Variants in LRRK1 observed in about 807,000 individuals in gnomAD.
LRRK1 encodes the protein leucine rich repeat kinase 1.
A neutral mutation model predicts 209.1 loss-of-function variants in LRRK1; 113 were observed. That is an observed-to-expected ratio of 0.54 (90% CI 0.46 to 0.63). The LOEUF is 0.63. Ranked by LOEUF, LRRK1 falls within the 30% of genes least tolerant of loss-of-function variation. The pLI, the probability that LRRK1 is intolerant of heterozygous loss-of-function variation, is 0.00. For synonymous variants in LRRK1, 1,144 were observed against 1,099.7 expected (o/e 1.04, Z -0.80); for missense variants, 2,284 against 2,632.2 (o/e 0.87, Z 2.89).
At position 101,054,212 on chromosome 15, in the gene LRRK1, G is replaced by A. The variant is rs191118620; in HGVS notation, c.4055-734G>A. The stretch of plus-strand genomic sequence containing the variant: ...TCGTTCTCGAACTGTGAGCTCAGTC[G>A]ATCCCCCCACTTTAGCCTCCCAAAG... On this transcript the variant is annotated intron_variant, in intron 26 of 33. Transcript: ENST00000388948. Among the ~76,000 whole-genome samples the A allele has an allele frequency of 9.5e-4, 144 of 152,204 alleles. 1 individual carries two copies. The highest frequency in any genetic ancestry group is 1.5e-3 in the Non-Finnish European group (99 of 68,020).
intron 20 of LRRK1, chr15:101,043,783 A>G (rs1188543636): frequency 6.6e-6 from 1 of 152,314 alleles, no homozygotes; most frequent in Non-Finnish European, 1.5e-5. Flanking sequence ...TACCATAAGT[A>G]TGATAGTTGT....
chr15:101,021,863 G>A lies in LRRK1; in HGVS notation c.1758G>A (p.Glu586=), dbSNP rs199792081. ...LYLGNNPGLR[E]LPPELGQLGN... The stretch of plus-strand genomic sequence containing the variant: ...TCTTCAGCAACCCTGGCCTCCGGGA[G>A]CTCCCTCCTGAGCTGGGGCAGCTGG... Residue 586 remains glutamate, a synonymous_variant, in exon 14 of 34, where the codon GAG becomes GAA. Transcript: ENST00000388948. The A allele has an allele frequency of 1.2e-6, 2 of 1,613,684 alleles. No homozygotes were observed. The highest frequency in any genetic ancestry group is 2.7e-5 in the African/African-American group (2 of 74,856).
chr15:100,972,815 G>T (rs2031006201), intron 2 of LRRK1, among the ~76,000 whole-genome samples: 1 of 151,954 alleles, frequency 6.6e-6, no homozygotes, highest in Admixed American at 6.6e-5. Flanking sequence ...CTCATCCATC[G>T]CAGTCTTTCC....
intron 20 of LRRK1, among the ~76,000 whole-genome samples, chr15:101,037,108 A>G (rs1048019876): frequency 6.6e-6 from 1 of 152,302 alleles, no homozygotes; most frequent in East Asian, 1.9e-4. Context: ...GGATGTTGGT[A>G]GTGGCATCAG....
intron 26 of LRRK1, among the ~76,000 whole-genome samples, 167 bp downstream of exon 26, chr15:101,053,587 G>T (rs879621221): frequency 6.6e-6 from 1 of 152,228 alleles, no homozygotes; most frequent in Non-Finnish European, 1.5e-5. Context: ...TCCCCGCCAG[G>T]TCCAGTCACT....
chr15:101,019,903 G>T (rs779491403), intron 12 of LRRK1, among the ~76,000 whole-genome samples: 1 of 152,084 alleles, frequency 6.6e-6, no homozygotes, highest in Non-Finnish European at 1.5e-5. Flanking sequence ...CAACTCAAAT[G>T]CTCTGGTGCC....
intron 19 of LRRK1, among the ~76,000 whole-genome samples, chr15:101,028,163 AC>A (rs2034127755): frequency 6.6e-6 from 1 of 152,186 alleles, no homozygotes; most frequent in Non-Finnish European, 1.5e-5. Context: ...AATAGCAAAT[AC>A]GGAACCAGTG....
chr15:100,946,979 C>CT (rs993982111), intron 2 of LRRK1, among the ~76,000 whole-genome samples: 33 of 151,040 alleles, frequency 2.2e-4, no homozygotes, highest in Admixed American at 7.9e-4. Context: ...TTTTCTTTTT[C>CT]TTTTTTTTTG....
At position 101,067,256 on chromosome 15, in the gene LRRK1, T is replaced by C. The variant is rs1370559210; in HGVS notation, c.5870+515T>C. The C allele has an allele frequency of 2.0e-5, 9 of 456,118 alleles. No individual in the cohort carries two copies. In the Admixed American group the frequency reaches 2.1e-4, roughly 11 times the overall value. 28.3% of individuals were successfully genotyped at this position (456,118 alleles called of 1,614,324 possible). A position where few individuals can be genotyped will look rare whatever the true frequency, so the allele number is the denominator to read the frequency against. On this transcript the variant is annotated intron_variant, in intron 33 of 33. Coordinates refer to ENST00000388948, the MANE Select transcript of LRRK1 (RefSeq NM_024652.6). ...GACCCCCAGGATTATGCCAGTCTCC[T>C]CTGTGAAGGTATGCTGGGCAGGGTG...
At chr15:100,995,308 A>G (rs1472513365) in intron 6 of LRRK1, among the ~76,000 whole-genome samples, 2 of 152,202 alleles carry the variant, frequency 1.3e-5, no homozygotes, top group Non-Finnish European at 2.9e-5. Context: ...TGGGCCAAGC[A>G]TAGCCCGAAT....
At chr15:101,036,670 G>A (rs1596304784) in intron 20 of LRRK1, among the ~76,000 whole-genome samples, 1 of 152,160 alleles carries the variant, frequency 6.6e-6, no homozygotes. Flanking sequence ...AGTATCATAT[G>A]TCCTTGCTTT....
rs73486992 is a variant in LRRK1, at chr15:101,005,533, A to T, written c.763-3304A>T. Among the ~76,000 whole-genome samples the T allele has an allele frequency of 6.4e-3, 971 of 152,328 alleles. 15 individuals are homozygous for T. The highest frequency in any genetic ancestry group is 0.022 in the African/African-American group (919 of 41,564). On this transcript the variant is annotated intron_variant, in intron 6 of 33. Transcript: ENST00000388948. ...TTAAATACAGAGCTGTGTCCCATCAATGGGCTGAAAAGCAGTGACACCCCA... is the reference window on the plus strand; with the variant it reads ...TTAAATACAGAGCTGTGTCCCATCATTGGGCTGAAAAGCAGTGACACCCCA...
chr15:101,065,196 C>T lies in LRRK1; in HGVS notation c.4915-156C>T. ...CAGAGCTGCACTTCTTTAGGAGTAGCCCCGGCCTTTCTAAGAGATTTGCTG... is the reference window on the plus strand; with the variant it reads ...CAGAGCTGCACTTCTTTAGGAGTAGTCCCGGCCTTTCTAAGAGATTTGCTG... On this transcript the variant is annotated intron_variant, in intron 31 of 33. Coordinates refer to ENST00000388948, the MANE Select transcript of LRRK1 (RefSeq NM_024652.6). 4 of 761,142 alleles carry T rather than the reference C, an allele frequency of 5.3e-6. No homozygotes were observed. The Admixed American group carries it at 8.2e-5, about 16-fold the overall frequency. 47.1% of individuals were successfully genotyped at this position (761,142 alleles called of 1,614,324 possible). A position where few individuals can be genotyped will look rare whatever the true frequency, so the allele number is the denominator to read the frequency against.
intron 2 of LRRK1, among the ~76,000 whole-genome samples, chr15:100,957,616 T>C (rs1471219413): frequency 6.6e-6 from 1 of 152,236 alleles, no homozygotes; most frequent in Non-Finnish European, 1.5e-5. Context: ...TCGCCATTCT[T>C]TAGCTCTTTT....
intron 2 of LRRK1, among the ~76,000 whole-genome samples, chr15:100,926,990 G>A (rs1307782597): frequency 1.3e-5 from 2 of 152,102 alleles, no homozygotes; most frequent in Non-Finnish European, 2.9e-5. Context: ...CGGCCAGCAT[G>A]GCTAATTTTT....
rs2037039085 is a variant in LRRK1, at chr15:101,077,981, C to G, written c.*9133C>G. On this transcript the variant is annotated 3_prime_UTR_variant, in exon 34 of 34. Coordinates refer to ENST00000388948, the MANE Select transcript of LRRK1 (RefSeq NM_024652.6). ...CACCTTAACTGATGACATTCCACCA[C>G]AAAAGAAGTGTAAATGGCTGGTTCT... The G allele has an allele frequency of 6.5e-6, 1 of 153,398 alleles. No individual in the cohort carries two copies. Among genetic ancestry groups the G allele is most frequent in the Non-Finnish European group, 1.5e-5 (1 of 68,926 alleles). The allele number at this position is 153,398 out of a possible 1,614,324, so 9.5% of individuals were successfully genotyped here.
At chr15:101,052,772 A>G (rs557633264) in intron 24 of LRRK1, 150 bp from the exon 25 acceptor site, 1 of 880,528 alleles carries the variant, frequency 1.1e-6, no homozygotes, top group Admixed American at 2.9e-5. Context: ...GTGCTCACCC[A>G]CAAGTGGCAG....
At chr15:101,035,838 A>G (rs2141111411) in intron 20 of LRRK1, among the ~76,000 whole-genome samples, 1 of 151,862 alleles carries the variant, frequency 6.6e-6, no homozygotes, top group Non-Finnish European at 1.5e-5. Context: ...AGTGATTTTT[A>G]TACTTTTGTG....
chr15:101,054,046 T>A (rs1431218466), intron 26 of LRRK1, among the ~76,000 whole-genome samples: 1 of 152,132 alleles, frequency 6.6e-6, no homozygotes. Flanking sequence ...TGGTGCAATC[T>A]CAGCTCACTG....
Sources: allele counts gnomAD v4.1 joint callset (sites outside exome capture counted in the v4.1 genomes callset), GRCh38; gene constraint gnomAD v4.1.1; transcripts MANE v1.5; gene names NCBI Gene and HGNC (gene_info 2026-07-23, HGNC 2026-07-21).